Variants in ZNF678 observed in about 807,000 individuals in gnomAD.
ZNF678 encodes hypothetical protein MGC42493.
In ZNF678, 5 loss-of-function variants were observed where a neutral mutation model predicts 3.0. The ratio of observed to expected loss-of-function variants is 1.69; its 90% CI spans 0.88 to 3.56. The LOEUF (loss-of-function observed/expected upper bound fraction) is 3.56. ZNF678 is among the 30% of genes most tolerant of loss of function. The pLI is 0.00. For missense variants in ZNF678, 593 were observed against 605.0 expected (o/e 0.98, Z 0.21); for synonymous variants, 218 against 199.6 (o/e 1.09, Z -0.78).
At chr1:227,670,785 C>T (rs538962938) in intron 5 of ZNF678, among the ~76,000 whole-genome samples, 2 of 152,274 alleles carry the variant, frequency 1.3e-5, no homozygotes, top group African/African-American at 4.8e-5. Context: ...TCCCTGTAGT[C>T]AGGATTTTTA....
At position 227,660,933 on chromosome 1, in the gene ZNF678, T is replaced by C. The variant is rs1659388222; in HGVS notation, c.*5105T>C. ...TAAAGTAATGTTGAATTTTCTAAAA[T>C]TCTTTTTCTGCATTCACTTAAAAGT... On this transcript the variant is annotated 3_prime_UTR_variant, in exon 4 of 4. Coordinates refer to ENST00000343776, the MANE Select transcript of ZNF678 (RefSeq NM_001367909.1). 1.3e-5 allele frequency: 2 copies of C among 152,216 alleles called. No homozygotes were observed. The highest frequency in any genetic ancestry group is 1.3e-4 in the Admixed American group (2 of 15,282). 9.4% of individuals were successfully genotyped at this position (152,216 alleles called of 1,614,324 possible).
intron 1 of ZNF678, among the ~76,000 whole-genome samples, chr1:227,643,153 G>A (rs1323902830): frequency 1.3e-5 from 2 of 152,078 alleles, no homozygotes; most frequent in Non-Finnish European, 1.5e-5. Flanking sequence ...TTCCTGAACA[G>A]AATTATTAGT....
chr1:227,572,919 GGTCCTTATCT>G (rs1230411090), intron 1 of ZNF678, among the ~76,000 whole-genome samples: 12 of 152,222 alleles, frequency 7.9e-5, no homozygotes, highest in African/African-American at 2.9e-4. Flanking sequence ...ACTGCCTGGC[GGTCCTTATCT>G]GTGGGCCCCA....
At chr1:227,665,125 A>G (rs966105792), downstream of ZNF678, among the ~76,000 whole-genome samples, 11 of 152,216 alleles carry the variant, frequency 7.2e-5, no homozygotes, top group African/African-American at 2.7e-4. Flanking sequence ...ATAGTGTCAC[A>G]TGAAGATAAA....
intron 3 of ZNF678, among the ~76,000 whole-genome samples, chr1:227,652,535 G>A (rs1387988101): frequency 6.6e-6 from 1 of 151,950 alleles, no homozygotes; most frequent in South Asian, 2.1e-4. Context: ...CTCTTCTTCT[G>A]TGTGTGTTTA....
intron 1 of ZNF678, among the ~76,000 whole-genome samples, chr1:227,604,453 A>G (rs1657814458): frequency 6.6e-6 from 1 of 152,012 alleles, no homozygotes; most frequent in Non-Finnish European, 1.5e-5. Flanking sequence ...TGGCATGCTT[A>G]TGGCTCACTG....
chr1:227,631,668 C>G (rs12080321), intron 1 of ZNF678, among the ~76,000 whole-genome samples: 70,914 of 151,976 alleles, frequency 0.47, 17,392 homozygotes, highest in African/African-American at 0.62. Flanking sequence ...TGAAATATGA[C>G]AGATGGATCC....
intron 5 of ZNF678, among the ~76,000 whole-genome samples, chr1:227,674,760 G>A (rs771261223): frequency 1.3e-5 from 2 of 151,762 alleles, no homozygotes; most frequent in African/African-American, 2.4e-5. Context: ...CTGCCATCAC[G>A]CCCAGCTAAT....
At chr1:227,619,200 C>G (rs1658213555) in intron 1 of ZNF678, among the ~76,000 whole-genome samples, 1 of 152,098 alleles carries the variant, frequency 6.6e-6, no homozygotes, top group Non-Finnish European at 1.5e-5. Context: ...CCCATCTTCC[C>G]CTGCTACTTT....
chr1:227,655,571 G>A lies in ZNF678; in HGVS notation c.1321G>A (p.Ala441Thr). 1.2e-6 allele frequency: 2 copies of A among 1,611,952 alleles called. No individual in the cohort carries two copies. The highest frequency in any genetic ancestry group is 1.7e-6 in the Non-Finnish European group (2 of 1,179,138). The change falls in exon 4 of 4, where the codon GCT becomes ACT. Residue 441 changes from alanine to threonine, a missense_variant. Physicochemically the swap from Ala to Thr is moderately conservative, Grantham distance 58 (BLOSUM62 0). Coordinates refer to ENST00000343776, the MANE Select transcript of ZNF678 (RefSeq NM_001367909.1). ...CTACAAATGTAAAGAATGTGGCAAAGCTTTTTACCAATCCTCAATCCTTAG... is the reference window on the plus strand; with the variant it reads ...CTACAAATGTAAAGAATGTGGCAAAACTTTTTACCAATCCTCAATCCTTAG... ...KPYKCKECGK[A>T]FYQSSILSKH...
chr1:227,592,157 G>C (rs1218953694), intron 1 of ZNF678, among the ~76,000 whole-genome samples: 1 of 152,230 alleles, frequency 6.6e-6, no homozygotes, highest in Non-Finnish European at 1.5e-5. Flanking sequence ...GGAGCAAGGT[G>C]GCGGGGTTTA....
At chr1:227,641,179 G>A (rs1250343073) in intron 1 of ZNF678, among the ~76,000 whole-genome samples, 1 of 152,186 alleles carries the variant, frequency 6.6e-6, no homozygotes, top group African/African-American at 2.4e-5. Context: ...GAGTGGAGGG[G>A]TAGGTCCACA....
intron 5 of ZNF678, among the ~76,000 whole-genome samples, chr1:227,670,588 G>A (rs1659582607): frequency 6.6e-6 from 1 of 152,134 alleles, no homozygotes; most frequent in Non-Finnish European, 1.5e-5. Context: ...AAATTTAGCT[G>A]ACACAGAGCA....
intron 1 of ZNF678, among the ~76,000 whole-genome samples, chr1:227,643,535 G>A (rs914958995): frequency 6.6e-6 from 1 of 152,088 alleles, no homozygotes; most frequent in African/African-American, 2.4e-5. Flanking sequence ...GATTAGGGGA[G>A]ATCAGAGGTT....
chr1:227,623,814 T>G lies in ZNF678; in HGVS notation c.-163-22730T>G, dbSNP rs548211941. Among the ~76,000 whole-genome samples, 820 of 152,322 alleles carry G rather than the reference T, an allele frequency of 5.4e-3. 8 individuals are homozygous for G. The highest frequency in any genetic ancestry group is 0.019 in the African/African-American group (790 of 41,572). ...GTTTATAAAGAGCTTTTATTCTCCG[T>G]GGAAATGAACATAGTCTTACTGTCA... On this transcript the variant is annotated intron_variant, in intron 1 of 3. Coordinates refer to ENST00000343776, the MANE Select transcript of ZNF678 (RefSeq NM_001367909.1).
chr1:227,565,415 G>A (rs1656651395), intron 1 of ZNF678, among the ~76,000 whole-genome samples: 1 of 152,160 alleles, frequency 6.6e-6, no homozygotes, highest in Admixed American at 6.5e-5. Flanking sequence ...GGAATGCAGT[G>A]ACATTGTCAT....
chr1:227,671,153 T>A (rs1659595120), intron 5 of ZNF678, among the ~76,000 whole-genome samples: 1 of 150,112 alleles, frequency 6.7e-6, no homozygotes, highest in Non-Finnish European at 1.5e-5. Flanking sequence ...CATAGTTCAC[T>A]GGAGCCTCAA....
At chr1:227,566,579 G>T (rs1392946125) in intron 1 of ZNF678, among the ~76,000 whole-genome samples, 1 of 152,192 alleles carries the variant, frequency 6.6e-6, no homozygotes, top group African/African-American at 2.4e-5. Flanking sequence ...AGGATAGCCT[G>T]ACTTGACGCT....
At chr1:227,594,332 C>T (rs547644217) in intron 1 of ZNF678, among the ~76,000 whole-genome samples, 89 of 152,208 alleles carry the variant, frequency 5.8e-4, no homozygotes, top group African/African-American at 1.9e-3. Flanking sequence ...ACCTGATAGA[C>T]GTATTTATCC....
Sources: allele counts gnomAD v4.1 joint callset (sites outside exome capture counted in the v4.1 genomes callset), GRCh38; gene constraint gnomAD v4.1.1; transcripts MANE v1.5; gene names NCBI Gene and HGNC (gene_info 2026-07-23, HGNC 2026-07-21).